Variants in DTNA observed in about 807,000 individuals in gnomAD.
DTNA encodes dystrophin-related protein 3.
Under a neutral mutation model 100.7 loss-of-function variants are expected in DTNA, and 43 were observed. The ratio of observed to expected loss-of-function variants is 0.43; its 90% CI spans 0.33 to 0.55. DTNA has a LOEUF of 0.55. Ranked by LOEUF, DTNA falls within the 20% of genes least tolerant of loss-of-function variation. The probability of loss-of-function intolerance (pLI) is 0.04; values close to 1 mark genes in which losing one functional copy is unlikely to be tolerated. For synonymous variants in DTNA, 349 were observed against 347.9 expected (o/e 1.00, Z -0.04); for missense variants, 798 against 953.9 (o/e 0.84, Z 2.15).
At chr18:34,608,133 A>C (rs1443272727) in intron 1 of DTNA, among the ~76,000 whole-genome samples, 1 of 152,194 alleles carries the variant, frequency 6.6e-6, no homozygotes, top group African/African-American at 2.4e-5. Flanking sequence ...AATCTTACGA[A>C]AAGAACTGTG....
At chr18:34,884,056 T>A (rs890121521) in intron 21 of DTNA, among the ~76,000 whole-genome samples, 5 of 152,156 alleles carry the variant, frequency 3.3e-5, no homozygotes, top group Non-Finnish European at 7.4e-5. Flanking sequence ...TGCCAGGGTG[T>A]CTCTGGGAAT....
intron 1 of DTNA, among the ~76,000 whole-genome samples, chr18:34,499,544 C>A (rs2144549709): frequency 6.6e-6 from 1 of 152,248 alleles, no homozygotes; most frequent in East Asian, 1.9e-4. Flanking sequence ...TAAGAAATTA[C>A]CAAACTTTTC....
chr18:34,580,674 G>A lies in DTNA; in HGVS notation c.-2+87160G>A, dbSNP rs909621947. 2.6e-5 allele frequency among the ~76,000 whole-genome samples: 4 copies of A among 152,212 alleles called. No homozygotes were observed. In the South Asian group the frequency reaches 6.2e-4, roughly 24 times the overall value. On this transcript the variant is annotated intron_variant, in intron 1 of 19. Transcript: ENST00000283365. ...CATCCTGCCAATGTTTCTGGACCAC[G>A]GAGGATCTCTTTCTTCTTTACACTC...
chr18:34,821,639 G>A (rs2095721749), intron 9 of DTNA, among the ~76,000 whole-genome samples: 1 of 152,100 alleles, frequency 6.6e-6, no homozygotes, highest in Admixed American at 6.6e-5. Context: ...GTGTTACCTG[G>A]GGCTCATAAG....
At chr18:34,669,102 G>T (rs567229247) in intron 1 of DTNA, among the ~76,000 whole-genome samples, 19 of 152,262 alleles carry the variant, frequency 1.2e-4, no homozygotes, top group African/African-American at 3.9e-4. Context: ...TTATGTATCT[G>T]GGGGCTCCTG....
intron 1 of DTNA, among the ~76,000 whole-genome samples, chr18:34,547,804 G>C (rs1426618882): frequency 6.6e-6 from 1 of 152,120 alleles, no homozygotes; most frequent in Admixed American, 6.6e-5. Context: ...TTGTTTAGGA[G>C]AAGACTATTG....
chr18:34,866,347 G>A, intron 17 of DTNA: 1 of 1,421,978 alleles, frequency 7.0e-7, no homozygotes, highest in Non-Finnish European at 9.2e-7. Flanking sequence ...ATCAAAAGAA[G>A]AACTATGACA....
At chr18:34,496,476 A>G (rs1156933175) in intron 1 of DTNA, among the ~76,000 whole-genome samples, 1 of 152,094 alleles carries the variant, frequency 6.6e-6, no homozygotes, top group African/African-American at 2.4e-5. Flanking sequence ...TATTTTAGAG[A>G]CAGCTTGCTA....
chr18:34,662,113 T>G lies in DTNA; in HGVS notation c.-1-93863T>G, dbSNP rs554611385. On this transcript the variant is annotated intron_variant, in intron 1 of 19. Coordinates refer to the DTNA transcript ENST00000283365. ...TACTTATTATCAAGCTTGCATCATT[T>G]TGTTGTTAAGAACCGGTTGTTGTTT... Among the ~76,000 whole-genome samples, 3 of 151,964 alleles carry G rather than the reference T, an allele frequency of 2.0e-5. No individual in the cohort carries two copies. The East Asian group carries it at 5.8e-4, about 29-fold the overall frequency.
chr18:34,579,738 A>G (rs961871718), intron 1 of DTNA, among the ~76,000 whole-genome samples: 3 of 152,126 alleles, frequency 2.0e-5, no homozygotes, highest in Non-Finnish European at 2.9e-5. Context: ...TTTAATCACA[A>G]AATGCCTCAA....
chr18:34,646,786 C>T (rs765512386), intron 1 of DTNA, among the ~76,000 whole-genome samples: 19 of 152,040 alleles, frequency 1.2e-4, no homozygotes, highest in Non-Finnish European at 2.1e-4. Flanking sequence ...TGGCTCACTG[C>T]GACCCTGCAA....
chr18:34,759,608 C>T (rs2093007631), intron 2 of DTNA, among the ~76,000 whole-genome samples: 1 of 152,152 alleles, frequency 6.6e-6, no homozygotes, highest in African/African-American at 2.4e-5. Flanking sequence ...ATGCCACCGG[C>T]CTGTCAGCAG....
At chr18:34,661,814 A>C (rs1255049317) in intron 1 of DTNA, among the ~76,000 whole-genome samples, 2 of 152,120 alleles carry the variant, frequency 1.3e-5, no homozygotes, top group Non-Finnish European at 2.9e-5. Flanking sequence ...ATATATTTGG[A>C]GAAATCAAAA....
intron 6 of DTNA, among the ~76,000 whole-genome samples, chr18:34,814,693 A>T (rs1401121335): frequency 1.3e-5 from 2 of 151,244 alleles, no homozygotes; most frequent in Admixed American, 6.6e-5. Context: ...TCCTGTCTCT[A>T]AAAGAAAAAA....
chr18:34,513,133 C>G (rs764891920), intron 1 of DTNA, among the ~76,000 whole-genome samples: 24 of 152,070 alleles, frequency 1.6e-4, no homozygotes, highest in Non-Finnish European at 3.1e-4. Flanking sequence ...TTTCCCAAAG[C>G]CTTTTGCCTC....
At chr18:34,579,393 C>T (rs1262243629) in intron 1 of DTNA, among the ~76,000 whole-genome samples, 1 of 152,140 alleles carries the variant, frequency 6.6e-6, no homozygotes, top group Non-Finnish European at 1.5e-5. Flanking sequence ...TTTATCCACT[C>T]TAATAATTTT....
chr18:34,856,739 T>C (rs1001305421), intron 15 of DTNA, among the ~76,000 whole-genome samples: 30 of 152,348 alleles, frequency 2.0e-4, no homozygotes, highest in Admixed American at 1.9e-3. Context: ...AGAACTGTTA[T>C]AGAATGAAAT....
chr18:34,702,552 G>A (rs1330749854), intron 1 of DTNA, among the ~76,000 whole-genome samples: 1 of 152,068 alleles, frequency 6.6e-6, no homozygotes, highest in African/African-American at 2.4e-5. Context: ...CCACAGGAAG[G>A]CGTTTGCTTT....
chr18:34,825,119 G>A, intron 9 of DTNA: 1 of 1,074,036 alleles, frequency 9.3e-7, no homozygotes. Flanking sequence ...TTGTAGAGAG[G>A]TGCTGCCAGT....
Sources: gnomAD v4.1 joint callset for allele counts (sites outside exome capture counted in the v4.1 genomes callset) on GRCh38, gnomAD v4.1.1 for gene constraint, MANE v1.5 for transcripts, NCBI Gene and HGNC (gene_info 2026-07-23, HGNC 2026-07-21) for gene names.